Variants in RIMS2 observed in about 807,000 individuals in gnomAD.
The protein encoded by RIMS2 is regulating synaptic membrane exocytosis protein 2.
In RIMS2, 59 loss-of-function variants were observed where a neutral mutation model predicts 174.4. The ratio of observed to expected loss-of-function variants is 0.34; its 90% CI spans 0.27 to 0.42. The LOEUF (loss-of-function observed/expected upper bound fraction) is 0.42, where lower values mean the gene tolerates loss of function less well. Ranked by LOEUF, RIMS2 falls within the 10% of genes least tolerant of loss-of-function variation. The pLI is 1.00. For synonymous variants in RIMS2, 606 were observed against 572.5 expected (o/e 1.06, Z -0.84); for missense variants, 1,620 against 1,666.3 (o/e 0.97, Z 0.48).
chr8:103,909,341 G>A (rs2075182039), intron 4 of RIMS2, among the ~76,000 whole-genome samples: 2 of 151,868 alleles, frequency 1.3e-5, no homozygotes, highest in Non-Finnish European at 2.9e-5. Flanking sequence ...TTGAAATACT[G>A]AGCAAATAAG....
At chr8:103,958,754 A>G (rs2088613925) in intron 14 of RIMS2, among the ~76,000 whole-genome samples, 1 of 152,200 alleles carries the variant, frequency 6.6e-6, no homozygotes, top group African/African-American at 2.4e-5. Context: ...TTTATTTTAA[A>G]GATTAAACTT....
At chr8:103,830,928 C>T (rs892759075) in intron 3 of RIMS2, among the ~76,000 whole-genome samples, 1 of 152,192 alleles carries the variant, frequency 6.6e-6, no homozygotes. Context: ...CCCACCTCAG[C>T]CTCCTGAGTA....
At chr8:104,111,270 G>A (rs2098177321) in intron 19 of RIMS2, among the ~76,000 whole-genome samples, 1 of 152,178 alleles carries the variant, frequency 6.6e-6, no homozygotes, top group Admixed American at 6.5e-5. Context: ...TAAATATTAT[G>A]AGAATTGATC....
At chr8:104,014,355 A>G (rs2095845700) in intron 18 of RIMS2, 151 bp from the exon 21 acceptor site, 1 of 516,806 alleles carries the variant, frequency 1.9e-6, no homozygotes, top group Non-Finnish European at 3.5e-6. Context: ...TCATTCAGAT[A>G]TCCATATTTT....
intron 1 of RIMS2, among the ~76,000 whole-genome samples, chr8:103,539,809 T>TC (rs1245640690): frequency 1.3e-5 from 2 of 152,204 alleles, no homozygotes; most frequent in Non-Finnish European, 2.9e-5. Flanking sequence ...CTGAGAGTGC[T>TC]CACACTTCAG....
intron 19 of RIMS2, among the ~76,000 whole-genome samples, chr8:104,187,813 A>T (rs1173321334): frequency 6.6e-6 from 1 of 151,822 alleles, no homozygotes; most frequent in South Asian, 2.1e-4. Context: ...TCAGCTTGAT[A>T]AAATTTTTCA....
At chr8:103,891,920 T>A (rs994598891) in intron 4 of RIMS2, among the ~76,000 whole-genome samples, 46 of 151,902 alleles carry the variant, frequency 3.0e-4, no homozygotes, top group African/African-American at 1.1e-3. Context: ...CCAAAAGATG[T>A]CGGCTTTGTA....
At chr8:104,022,442 G>C (rs1252280244) in intron 19 of RIMS2, among the ~76,000 whole-genome samples, 1 of 151,916 alleles carries the variant, frequency 6.6e-6, no homozygotes, top group Admixed American at 6.6e-5. Context: ...GTGCAGTGGC[G>C]CACAGTCTCA....
intron 19 of RIMS2, among the ~76,000 whole-genome samples, chr8:104,022,312 A>C (rs1477764935): frequency 1.3e-5 from 2 of 152,118 alleles, no homozygotes; most frequent in African/African-American, 4.8e-5. Flanking sequence ...AATTCCTCCC[A>C]CACACAGGAA....
At chr8:103,728,748 C>CTTTTTTTTTTTTTTTTTTTTTTTTT (rs71575982) in intron 2 of RIMS2, among the ~76,000 whole-genome samples, 14 of 92,682 alleles carry the variant, frequency 1.5e-4, no homozygotes, top group Admixed American at 3.2e-4. Context: ...TATGCTCCTT[C>CTTTTTTTTTTTTTTTTTTTTTTTTT]TTTTTTTTTT....
chr8:104,056,892 G>GA (rs1228513143), intron 19 of RIMS2, among the ~76,000 whole-genome samples: 6 of 151,218 alleles, frequency 4.0e-5, no homozygotes, highest in Admixed American at 2.0e-4. Context: ...GTCTTAAAAA[G>GA]AAAAAAAAGT....
At chr8:103,936,713 C>T in exon 13 of RIMS2, 2 of 1,602,648 alleles carry the variant, frequency 1.2e-6, no homozygotes, top group Non-Finnish European at 8.5e-7. Flanking sequence ...AAAGTGAATT[C>T]TTAGGCGAGG....
chr8:103,552,901 A>G (rs1042900718), intron 1 of RIMS2, among the ~76,000 whole-genome samples: 3 of 152,324 alleles, frequency 2.0e-5, no homozygotes, highest in East Asian at 3.9e-4. Flanking sequence ...ATGAGATACC[A>G]TCTCACACCA....
intron 1 of RIMS2, among the ~76,000 whole-genome samples, chr8:103,548,547 C>T (rs1448500041): frequency 1.3e-5 from 2 of 151,170 alleles, no homozygotes; most frequent in Non-Finnish European, 3.0e-5. Flanking sequence ...CTATGTAAAA[C>T]ATACAACCAA....
intron 3 of RIMS2, among the ~76,000 whole-genome samples, chr8:103,775,837 C>A (rs1291812055): frequency 6.6e-6 from 1 of 152,054 alleles, no homozygotes; most frequent in Non-Finnish European, 1.5e-5. Flanking sequence ...AGTTTGTTCT[C>A]ATGGAATATG....
At chr8:103,608,072 G>A (rs2095206771) in intron 1 of RIMS2, among the ~76,000 whole-genome samples, 1 of 149,866 alleles carries the variant, frequency 6.7e-6, no homozygotes, top group African/African-American at 2.5e-5. Context: ...AGGAGGAGAG[G>A]CGCTCTGCTT....
At chr8:104,000,079 C>T (rs1351021781) in intron 17 of RIMS2, among the ~76,000 whole-genome samples, 2 of 151,686 alleles carry the variant, frequency 1.3e-5, no homozygotes, top group Non-Finnish European at 3.0e-5. Flanking sequence ...CCTAGTGCAA[C>T]AGAAACTCTT....
chr8:103,535,348 C>A (rs1239548063), intron 1 of RIMS2, among the ~76,000 whole-genome samples: 1 of 152,184 alleles, frequency 6.6e-6, no homozygotes, highest in Non-Finnish European at 1.5e-5. Flanking sequence ...GCTAGAAAAG[C>A]CTTCTCTCTA....
chr8:104,039,688 A>C (rs1304686186), intron 19 of RIMS2, among the ~76,000 whole-genome samples: 2 of 151,756 alleles, frequency 1.3e-5, no homozygotes, highest in African/African-American at 4.8e-5. Flanking sequence ...AATTTTGTGT[A>C]TAAAAACACA....
Sources: allele counts gnomAD v4.1 joint callset (sites outside exome capture counted in the v4.1 genomes callset), GRCh38; gene constraint gnomAD v4.1.1; transcripts MANE v1.5; gene names NCBI Gene and HGNC (gene_info 2026-07-23, HGNC 2026-07-21).